The following NCALD variants were observed in gnomAD, a reference collection of about 807,000 sequenced individuals.
The protein encoded by NCALD is neurocalcin delta.
A neutral mutation model predicts 18.6 loss-of-function variants in NCALD; 10 were observed. That is an observed-to-expected ratio of 0.54 (90% CI 0.33 to 0.91). The LOEUF (loss-of-function observed/expected upper bound fraction) is 0.91. Among genes scored for constraint, NCALD ranks in the 40% least tolerant of loss-of-function variants. The pLI, the probability that NCALD is intolerant of heterozygous loss-of-function variation, is 0.03. For synonymous variants in NCALD, 88 were observed against 87.4 expected (o/e 1.01, Z -0.04); for missense variants, 184 against 247.6 (o/e 0.74, Z 1.72).
intron 4 of NCALD, among the ~76,000 whole-genome samples, chr8:101,801,941 C>T (rs572122359): frequency 8.5e-5 from 13 of 152,162 alleles, no homozygotes; most frequent in African/African-American, 3.1e-4. Context: ...GCTGGGATTA[C>T]AGGCGTGAAC....
chr8:101,849,739 A>G (rs1242031060), intron 4 of NCALD, among the ~76,000 whole-genome samples: 1 of 152,172 alleles, frequency 6.6e-6, no homozygotes, highest in East Asian at 1.9e-4. Flanking sequence ...TCTGCCCTGA[A>G]CAGAATTACG....
chr8:102,090,886 G>A (rs1824902905), intron 1 of NCALD, among the ~76,000 whole-genome samples: 1 of 152,202 alleles, frequency 6.6e-6, no homozygotes, highest in Non-Finnish European at 1.5e-5. Flanking sequence ...GGAATGGCGT[G>A]CTTTCCTTTA....
chr8:101,906,519 T>C (rs974613196), intron 3 of NCALD, among the ~76,000 whole-genome samples: 1 of 152,208 alleles, frequency 6.6e-6, no homozygotes. Flanking sequence ...TGTGTGCCTA[T>C]AAAACTTTAC....
At chr8:101,860,469 A>G (rs1815493767) in intron 4 of NCALD, among the ~76,000 whole-genome samples, 1 of 152,210 alleles carries the variant, frequency 6.6e-6, no homozygotes, top group African/African-American at 2.4e-5. Context: ...CACATGAACA[A>G]GAAACCACTA....
intron 2 of NCALD, among the ~76,000 whole-genome samples, chr8:101,946,809 CAAAAAAAAAAA>C (rs71268537): frequency 3.0e-5 from 2 of 65,664 alleles, no homozygotes; most frequent in African/African-American, 6.2e-5. Context: ...CATCAATTAG[CAAAAAAAAAAA>C]AAAAAAAAAA....
chr8:101,890,681 C>G (rs527361958), intron 3 of NCALD, among the ~76,000 whole-genome samples: 1 of 152,170 alleles, frequency 6.6e-6, no homozygotes, highest in African/African-American at 2.4e-5. Context: ...CTAGGCTTCA[C>G]GAGACATTAA....
chr8:102,032,714 T>A (rs77299460), intron 1 of NCALD, among the ~76,000 whole-genome samples: 1 of 151,308 alleles, frequency 6.6e-6, no homozygotes, highest in Non-Finnish European at 1.5e-5. Flanking sequence ...GTATCTCATG[T>A]GCATGCTCAC....
At chr8:101,893,994 A>C (rs149406788) in intron 3 of NCALD, among the ~76,000 whole-genome samples, 51,654 of 144,510 alleles carry the variant, frequency 0.36, 13,101 homozygotes, top group African/African-American at 0.65. Flanking sequence ...GAATTGAACT[A>C]AGCTCTCCAC....
At chr8:102,042,996 T>C (rs777789787) in intron 1 of NCALD, among the ~76,000 whole-genome samples, 5 of 151,878 alleles carry the variant, frequency 3.3e-5, no homozygotes, top group Admixed American at 6.6e-5. Context: ...CAGTCTTGTA[T>C]GTAAAAGGAA....
intron 2 of NCALD, among the ~76,000 whole-genome samples, chr8:101,976,041 G>A (rs532937695): frequency 3.3e-5 from 5 of 152,176 alleles, no homozygotes; most frequent in South Asian, 4.2e-4. Context: ...CCAAGATGCC[G>A]TGGGTTCGCT....
At chr8:102,028,445 T>C (rs751076760) in intron 1 of NCALD, among the ~76,000 whole-genome samples, 1 of 152,218 alleles carries the variant, frequency 6.6e-6, no homozygotes, top group Admixed American at 6.5e-5. Context: ...AGTATACTCC[T>C]TTGAAGCTCT....
intron 4 of NCALD, among the ~76,000 whole-genome samples, chr8:101,836,090 C>G (rs1184454844): frequency 6.6e-6 from 1 of 151,980 alleles, no homozygotes; most frequent in Non-Finnish European, 1.5e-5. Context: ...GGGGCTGTGG[C>G]TGGGGTTTGC....
At chr8:101,704,815 G>GA (rs1412767944) in intron 2 of NCALD, among the ~76,000 whole-genome samples, 3 of 152,058 alleles carry the variant, frequency 2.0e-5, no homozygotes, top group Admixed American at 2.0e-4. Context: ...AGCTACTCGG[G>GA]AGGCTGAGGC....
chr8:101,844,268 T>C (rs1814773632), intron 4 of NCALD, among the ~76,000 whole-genome samples: 1 of 152,214 alleles, frequency 6.6e-6, no homozygotes, highest in South Asian at 2.1e-4. Flanking sequence ...TATGCTGAGA[T>C]GGCTTTATGT....
At chr8:101,928,505 T>C (rs927934825) in intron 2 of NCALD, among the ~76,000 whole-genome samples, 6 of 152,174 alleles carry the variant, frequency 3.9e-5, no homozygotes, top group African/African-American at 1.4e-4. Context: ...ACATTAACCA[T>C]TATGAACATC....
At chr8:101,770,204 C>T (rs1230424593) in intron 1 of NCALD, among the ~76,000 whole-genome samples, 1 of 152,074 alleles carries the variant, frequency 6.6e-6, no homozygotes, top group Non-Finnish European at 1.5e-5. Flanking sequence ...CAACTGGATA[C>T]CAAAATAACC....
chr8:101,729,837 C>G (rs993471678), intron 1 of NCALD, among the ~76,000 whole-genome samples: 10 of 152,086 alleles, frequency 6.6e-5, no homozygotes, highest in Admixed American at 3.9e-4. Flanking sequence ...TTTTATTTTT[C>G]ATAAAGTGCA....
At chr8:101,729,393 T>G (rs541766749) in intron 1 of NCALD, among the ~76,000 whole-genome samples, 1 of 152,174 alleles carries the variant, frequency 6.6e-6, no homozygotes, top group Admixed American at 6.5e-5. Flanking sequence ...GATGAGCCAG[T>G]GTAAGGAAAT....
intron 1 of NCALD, among the ~76,000 whole-genome samples, chr8:102,066,616 C>A (rs1380973182): frequency 6.6e-6 from 1 of 152,178 alleles, no homozygotes; most frequent in Non-Finnish European, 1.5e-5. Flanking sequence ...TCAAGACCTG[C>A]CCTTAGAGAA....
Sources: gnomAD v4.1 joint callset for allele counts (sites outside exome capture counted in the v4.1 genomes callset) on GRCh38, gnomAD v4.1.1 for gene constraint, MANE v1.5 for transcripts, NCBI Gene and HGNC (gene_info 2026-07-23, HGNC 2026-07-21) for gene names.